The following MICU3 variants were observed in gnomAD, a reference collection of about 807,000 sequenced individuals.
MICU3 encodes the protein calcium uptake protein 3, mitochondrial.
A neutral mutation model predicts 66.5 loss-of-function variants in MICU3; 62 were observed. The observed-to-expected ratio is 0.93, with a 90% CI of 0.76 to 1.15. The LOEUF (loss-of-function observed/expected upper bound fraction) is 1.15. Among genes scored for constraint, MICU3 ranks in the 50% most tolerant of loss-of-function variants. MICU3 has a pLI of 0.00. For missense variants in MICU3, 779 were observed against 664.4 expected, an observed-to-expected ratio of 1.17 and a Z score of -1.90; for synonymous variants, 308 against 240.7, an observed-to-expected ratio of 1.28 and a Z score of -2.59.
At chr8:17,116,714 C>T in intron 13 of MICU3, 114 bp downstream of exon 13, 1 of 771,174 alleles carries the variant, frequency 1.3e-6, no homozygotes, top group Non-Finnish European at 2.0e-6. Context: ...AACATGAATG[C>T]TTTATTTGAA....
At chr8:17,097,105 T>C (rs1800789923) in intron 8 of MICU3, among the ~76,000 whole-genome samples, 1 of 151,584 alleles carries the variant, frequency 6.6e-6, no homozygotes, top group African/African-American at 2.4e-5. Context: ...TCTAGTTTGG[T>C]GGGTTTAACA....
At chr8:17,074,448 G>C (rs1820074204) in intron 3 of MICU3, among the ~76,000 whole-genome samples, 1 of 151,952 alleles carries the variant, frequency 6.6e-6, no homozygotes, top group Admixed American at 6.6e-5. Context: ...TATTTGACAG[G>C]AAAATATGCT....
chr8:17,053,809 A>T (rs1439276775), intron 1 of MICU3, among the ~76,000 whole-genome samples: 2 of 152,248 alleles, frequency 1.3e-5, no homozygotes, highest in East Asian at 3.8e-4. Flanking sequence ...AGAAAGAAGA[A>T]GATTCCCTAA....
At chr8:17,127,817 A>G in the MICU3 span, among the ~76,000 whole-genome samples, 1 of 152,198 alleles carries the variant, frequency 6.6e-6, no homozygotes, top group Non-Finnish European at 1.5e-5. Context: ...CCCAAATACA[A>G]TGTACACTGA....
At chr8:17,037,840 G>T (rs539500521) in intron 1 of MICU3, among the ~76,000 whole-genome samples, 2 of 152,252 alleles carry the variant, frequency 1.3e-5, no homozygotes, top group African/African-American at 2.4e-5. Context: ...TCTTGGATCA[G>T]TGTGACCTGG....
At chr8:17,053,266 T>C (rs1289431989) in intron 1 of MICU3, among the ~76,000 whole-genome samples, 1 of 152,222 alleles carries the variant, frequency 6.6e-6, no homozygotes, top group Non-Finnish European at 1.5e-5. Context: ...TAGGGTATTA[T>C]CAGCTGGTAG....
At position 17,121,515 on chromosome 8, in the gene MICU3, T is replaced by C. The variant is rs916739985; in HGVS notation, c.*1228T>C. On this transcript the variant is annotated 3_prime_UTR_variant, in exon 15 of 15. Coordinates refer to ENST00000318063, the MANE Select transcript of MICU3 (RefSeq NM_181723.3). ...ACAAAAATAGAACAATTAGTCTGAA[T>C]TAACGTATTTACATATTGCATATGG... The C allele has an allele frequency of 3.9e-5, 6 of 152,170 alleles. No homozygotes were observed. The highest frequency in any genetic ancestry group is 8.9e-5 in the Non-Finnish European group (6 of 67,750). 9.4% of individuals were successfully genotyped at this position (152,170 alleles called of 1,614,324 possible).
At chr8:17,101,110 G>C (rs957571920) in intron 9 of MICU3, among the ~76,000 whole-genome samples, 1 of 151,626 alleles carries the variant, frequency 6.6e-6, no homozygotes, top group Non-Finnish European at 1.5e-5. Context: ...TTAATAGTTT[G>C]ATATATTTAT....
At chr8:17,063,013 T>C (rs1260451538) in intron 1 of MICU3, among the ~76,000 whole-genome samples, 2 of 152,222 alleles carry the variant, frequency 1.3e-5, no homozygotes, top group East Asian at 3.8e-4. Context: ...GAATTGTTTA[T>C]GTTATACTAT....
In MICU3 at chr8:17,027,540, G is replaced by A; in HGVS notation, c.261G>A (p.Gly87=). 2.3e-6 allele frequency: 3 copies of A among 1,279,984 alleles called. No homozygotes were observed. Among genetic ancestry groups the A allele is most frequent in the Non-Finnish European group, 3.0e-6 (3 of 1,015,726 alleles). 79.3% of individuals were successfully genotyped at this position (1,279,984 alleles called of 1,614,324 possible). The stretch of plus-strand genomic sequence containing the variant: ...GCCTGGTATGCTACCAGCTGTACGG[G>A]GACCCCAGGGCCGGCTCGCCGGCGA... ...LVGLVCYQLY[G]DPRAGSPATG... The change falls in exon 1 of 15, where the codon GGG becomes GGA. Residue 87 remains glycine (G), a synonymous_variant. Coordinates refer to ENST00000318063, the MANE Select transcript of MICU3 (RefSeq NM_181723.3).
chr8:17,089,809 G>A (rs190688145), intron 7 of MICU3, among the ~76,000 whole-genome samples: 7 of 152,146 alleles, frequency 4.6e-5, no homozygotes, highest in Admixed American at 6.6e-5. Context: ...ACTCAAAAAG[G>A]TTAGCTAGTA....
At chr8:17,131,893 G>A in the MICU3 span, 1 of 152,198 alleles carries the variant, frequency 6.6e-6, no homozygotes, top group Non-Finnish European at 1.5e-5. Flanking sequence ...TGGTGAATTT[G>A]GAGCTAAGAG....
chr8:17,056,540 G>T (rs935205193), intron 1 of MICU3, among the ~76,000 whole-genome samples: 1 of 152,152 alleles, frequency 6.6e-6, no homozygotes, highest in Non-Finnish European at 1.5e-5. Context: ...AGGAATTCAT[G>T]ATTGAATGGA....
At chr8:17,124,368 T>C (rs568360088), downstream of MICU3, among the ~76,000 whole-genome samples, 2 of 152,240 alleles carry the variant, frequency 1.3e-5, no homozygotes, top group South Asian at 4.1e-4. Context: ...ACCAGAACTA[T>C]ATATTTAGTT....
intron 1 of MICU3, among the ~76,000 whole-genome samples, chr8:17,031,144 G>A (rs1046673268): frequency 2.6e-5 from 4 of 151,902 alleles, no homozygotes; most frequent in Non-Finnish European, 4.4e-5. Context: ...TGTGAGACCA[G>A]GAATTCAAGC....
At chr8:17,103,412 G>A (rs913653623) in intron 9 of MICU3, among the ~76,000 whole-genome samples, 5 of 151,812 alleles carry the variant, frequency 3.3e-5, no homozygotes, top group Non-Finnish European at 7.4e-5. Flanking sequence ...TGGACAAAAA[G>A]CTAAAAACGA....
chr8:17,112,439 G>C (rs1378086993), intron 11 of MICU3, among the ~76,000 whole-genome samples: 1 of 152,104 alleles, frequency 6.6e-6, no homozygotes, highest in Non-Finnish European at 1.5e-5. Context: ...CACCCCTTTT[G>C]TCTGCCCCTC....
At position 17,087,413 on chromosome 8, in the gene MICU3, G is replaced by A. The variant is rs532936061; in HGVS notation, c.849+378G>A. On this transcript the variant is annotated intron_variant, in intron 7 of 14. Coordinates refer to ENST00000318063, the MANE Select transcript of MICU3 (RefSeq NM_181723.3). Reference sequence around the variant, plus strand: ...GTGGTAATATAACAAGGTGACTGTCGAAACGAATAGAAGGAGATGATATGT... The same window carrying A: ...GTGGTAATATAACAAGGTGACTGTCAAAACGAATAGAAGGAGATGATATGT... 7.0e-4 allele frequency among the ~76,000 whole-genome samples: 106 copies of A among 151,972 alleles called. 1 individual carries two copies. Among genetic ancestry groups the A allele is most frequent in the Non-Finnish European group, 1.0e-3 (69 of 67,892 alleles).
chr8:17,085,069 A>G (rs1799326688), intron 5 of MICU3, among the ~76,000 whole-genome samples, 167 bp from the exon 6 acceptor site: 1 of 152,134 alleles, frequency 6.6e-6, no homozygotes, highest in South Asian at 2.1e-4. Context: ...TATATTATCA[A>G]TTTTTATTAA....
Sources: allele counts gnomAD v4.1 joint callset (sites outside exome capture counted in the v4.1 genomes callset), GRCh38; gene constraint gnomAD v4.1.1; transcripts MANE v1.5; gene names NCBI Gene and HGNC (gene_info 2026-07-23, HGNC 2026-07-21).